HERC1: variants seen among roughly 807,000 people sequenced by gnomAD.
The protein encoded by HERC1 is probable E3 ubiquitin-protein ligase HERC1.
In HERC1, 160 loss-of-function variants were observed where a neutral mutation model predicts 554.3. The observed-to-expected ratio is 0.29, with a 90% CI of 0.25 to 0.33. The LOEUF is 0.33. Ranked by LOEUF, HERC1 falls within the 10% of genes least tolerant of loss-of-function variation. The probability of loss-of-function intolerance (pLI) is 1.00; values close to 1 mark genes in which losing one functional copy is unlikely to be tolerated. For synonymous variants in HERC1, 2,175 were observed against 2,131.7 expected, an observed-to-expected ratio of 1.02 and a Z score of -0.56; for missense variants, 4,919 against 5,918.5, an observed-to-expected ratio of 0.83 and a Z score of 5.54.
At position 63,729,714 on chromosome 15, in the gene HERC1, TA is replaced by T. The variant is rs2074195631; in HGVS notation, c.2869-66del. Reference sequence around the variant, plus strand: ...TGAAACTGAAAGTAACAACCTACCATAAATCTGATTTAAGCAGCATTATATG... The same window carrying T: ...TGAAACTGAAAGTAACAACCTACCATAATCTGATTTAAGCAGCATTATATG... On this transcript the variant is annotated intron_variant, in intron 14 of 77. Coordinates refer to ENST00000443617, the MANE Select transcript of HERC1 (RefSeq NM_003922.4). 5.5e-5 allele frequency: 83 copies of T among 1,519,528 alleles called. No homozygotes were observed. In the South Asian group the frequency reaches 9.1e-4, roughly 17 times the overall value. 94.1% of individuals were successfully genotyped at this position (1,519,528 alleles called of 1,614,324 possible).
At chr15:63,794,214 G>A (rs2076741910) in intron 1 of HERC1, among the ~76,000 whole-genome samples, 1 of 152,152 alleles carries the variant, frequency 6.6e-6, no homozygotes, top group South Asian at 2.1e-4. Flanking sequence ...CTATGGAGTA[G>A]CCATTCTTTC....
chr15:63,786,433 A>G (rs1199176548), intron 1 of HERC1, among the ~76,000 whole-genome samples: 1 of 152,206 alleles, frequency 6.6e-6, no homozygotes, highest in African/African-American at 2.4e-5. Flanking sequence ...ACACATGTTC[A>G]TATGAAAACT....
At chr15:63,693,230 TG>T (rs2072219252) in intron 30 of HERC1, among the ~76,000 whole-genome samples, 1 of 128,864 alleles carries the variant, frequency 7.8e-6, no homozygotes, top group Non-Finnish European at 1.7e-5. Context: ...CCCTTGGTGC[TG>T]GGGAATTTTC....
chr15:63,616,598 G>A lies in HERC1; in HGVS notation c.13773C>T (p.Arg4591=). The A allele has an allele frequency of 6.2e-7, 1 of 1,613,926 alleles. No individual in the cohort carries two copies. The highest frequency in any genetic ancestry group is 8.5e-7 in the Non-Finnish European group (1 of 1,179,896). ...AGTGGAGGTCCAGAGGCTTCTTTGT[G>A]CGAATGGCAACCCCCATTAAAATTC... ...FLGILMGVAI[R]TKKPLDLHLA... is the part of the protein sequence containing the mutation. The change falls in exon 75 of 78, where the codon CGC becomes CGT. Residue 4591 remains arginine, a synonymous_variant. Transcript: ENST00000443617.
Position 63,680,562 on chromosome 15 carries a change from G to A in HERC1, c.6440C>T (p.Thr2147Ile). The A allele has an allele frequency of 6.2e-7, 1 of 1,613,698 alleles. No individual in the cohort carries two copies. Among genetic ancestry groups the A allele is most frequent in the Non-Finnish European group, 8.5e-7 (1 of 1,179,734 alleles). ...CTCTCCATTTTTCCCAAAAGAAATGGTCCTGGCTTCCATGTCTAACACACA... is the reference window on the plus strand; with the variant it reads ...CTCTCCATTTTTCCCAAAAGAAATGATCCTGGCTTCCATGTCTAACACACA... ...ITCVLDMEAR[T>I]ISFGKNGEEP... The change falls in exon 35 of 78, where the codon ACC becomes ATC. Residue 2147 changes from threonine (T) to isoleucine (I), a missense_variant. Around this residue, in one of 11 missense-constraint regions of HERC1, gnomAD observed 85 missense variants for 163.2 expected, o/e 0.52. Transcript: ENST00000443617. This position sits in a 1 kb window ranked among gnomAD's most constrained non-coding sequence, Gnocchi z 5.8.
chr15:63,750,087 T>C (rs1326246578), intron 8 of HERC1, among the ~76,000 whole-genome samples: 4 of 152,260 alleles, frequency 2.6e-5, no homozygotes, highest in Non-Finnish European at 4.4e-5. Flanking sequence ...CAATTTGTTA[T>C]ATTTGCCCCA....
intron 1 of HERC1, among the ~76,000 whole-genome samples, chr15:63,811,756 C>T (rs1231329165): frequency 6.8e-6 from 1 of 147,864 alleles, no homozygotes; most frequent in Non-Finnish European, 1.5e-5. Flanking sequence ...TTGCAGTGAG[C>T]CGAGATCGCG....
intron 1 of HERC1, among the ~76,000 whole-genome samples, chr15:63,828,449 C>T (rs541620961): frequency 6.6e-6 from 1 of 152,186 alleles, no homozygotes; most frequent in East Asian, 1.9e-4. Context: ...AAGTGATTCT[C>T]CTGCCTCAGA....
chr15:63,652,057 A>G (rs969168953), intron 52 of HERC1, among the ~76,000 whole-genome samples: 2 of 152,032 alleles, frequency 1.3e-5, no homozygotes, highest in Admixed American at 1.3e-4. Context: ...AAACAAAACA[A>G]AACAAAAAAA....
chr15:63,639,741 T>G (rs1043425797), intron 61 of HERC1, among the ~76,000 whole-genome samples: 8 of 152,232 alleles, frequency 5.3e-5, no homozygotes, highest in Non-Finnish European at 8.8e-5. Context: ...TAGAATGCTC[T>G]TCTATATTTT....
intron 57 of HERC1, 58 bp from the exon 58 acceptor site, chr15:63,643,608 A>G (rs1396560784): frequency 1.5e-6 from 2 of 1,296,596 alleles, no homozygotes; most frequent in Non-Finnish European, 2.1e-6. Flanking sequence ...TAAGTTCAAG[A>G]TTTATCATTC....
At chr15:63,610,664 A>G (rs1347613281) in intron 77 of HERC1, among the ~76,000 whole-genome samples, 1 of 152,272 alleles carries the variant, frequency 6.6e-6, no homozygotes, top group Non-Finnish European at 1.5e-5. Context: ...AGCCTAGCCC[A>G]GGAGCAGAGC....
At chr15:63,631,212 A>T (rs1382890190) in intron 68 of HERC1, among the ~76,000 whole-genome samples, 1 of 151,710 alleles carries the variant, frequency 6.6e-6, no homozygotes, top group Non-Finnish European at 1.5e-5. Flanking sequence ...CTTCCAACCA[A>T]CCTCTCCCCT....
At chr15:63,759,195 C>T (rs916128370) in intron 3 of HERC1, among the ~76,000 whole-genome samples, 1 of 152,158 alleles carries the variant, frequency 6.6e-6, no homozygotes, top group Non-Finnish European at 1.5e-5. Flanking sequence ...TTGAAACATA[C>T]TATACCAAAC....
chr15:63,632,146 C>T (rs2068588395), intron 68 of HERC1: 1 of 154,894 alleles, frequency 6.5e-6, no homozygotes, highest in Non-Finnish European at 1.4e-5. Flanking sequence ...CAGCTCATGT[C>T]CTCAGTCAGA....
chr15:63,627,219 A>G (rs541857251), intron 70 of HERC1, among the ~76,000 whole-genome samples: 1 of 152,298 alleles, frequency 6.6e-6, no homozygotes, highest in East Asian at 1.9e-4. Context: ...TTAGATATCT[A>G]AGAAACAAAA....
chr15:63,774,354 A>G (rs946590301), intron 2 of HERC1, among the ~76,000 whole-genome samples: 4 of 152,134 alleles, frequency 2.6e-5, no homozygotes, highest in Non-Finnish European at 5.9e-5. Context: ...TGAAAATAAG[A>G]GGTTTTTTTT....
Position 63,695,611 on chromosome 15 carries a change from C to A in HERC1, c.5121+513G>T, listed in dbSNP as rs1479342563. ...CCATGTTGGCCAGGCTGGTCTTGAACTCCTGACCTCAGGTGATCCGACCAC... is the reference window on the plus strand; with the variant it reads ...CCATGTTGGCCAGGCTGGTCTTGAAATCCTGACCTCAGGTGATCCGACCAC... On this transcript the variant is annotated intron_variant, in intron 27 of 77. Coordinates refer to ENST00000443617, the MANE Select transcript of HERC1 (RefSeq NM_003922.4). Among the ~76,000 whole-genome samples the A allele has an allele frequency of 3.3e-5, 5 of 152,182 alleles. No individual in the cohort carries two copies. The East Asian group carries it at 9.7e-4, about 29-fold the overall frequency.
In HERC1 at chr15:63,701,905, A is replaced by AAT. The variant is rs147951638; in HGVS notation, c.4637-2910_4637-2909insAT. Among the ~76,000 whole-genome samples, 748 of 152,298 alleles carry AAT rather than the reference A, an allele frequency of 4.9e-3. 7 individuals carry two copies. The highest frequency in any genetic ancestry group is 0.017 in the African/African-American group (720 of 41,560). The stretch of plus-strand genomic sequence containing the variant: ...AATATTATATCTGAAAAGGGCATTA[A>AAT]AAGCTTCTACATAACAATTGAGACT... On this transcript the variant is annotated intron_variant, in intron 25 of 77. Transcript: ENST00000443617.
Sources: allele counts gnomAD v4.1 joint callset (sites outside exome capture counted in the v4.1 genomes callset), GRCh38; gene constraint gnomAD v4.1.1; regional missense constraint gnomAD v4.1.1; non-coding constraint Gnocchi (gnomAD v3.1); transcripts MANE v1.5; gene names NCBI Gene and HGNC (gene_info 2026-07-23, HGNC 2026-07-21).